Variants in DSG1 observed in about 807,000 individuals in gnomAD.
The protein encoded by DSG1 is desmoglein 1, also known as desmoglein-1.
A neutral mutation model predicts 97.5 loss-of-function variants in DSG1; 39 were observed. The ratio of observed to expected loss-of-function variants is 0.40; its 90% confidence interval spans 0.31 to 0.52. The LOEUF is 0.52. DSG1 is among the 20% of genes least tolerant of loss of function. The pLI, the probability that DSG1 is intolerant of heterozygous loss-of-function variation, is 0.53. For missense variants in DSG1, 1,311 were observed against 1,295.4 expected (o/e 1.01, Z -0.18); for synonymous variants, 475 against 443.4 (o/e 1.07, Z -0.90).
At position 31,326,576 on chromosome 18, in the gene DSG1, T is replaced by C; in HGVS notation, c.49-5T>C. Reference sequence around the variant, plus strand: ...TAACTAGTGTGATTATCTTATTTTTTACAGGTGGTGGTAGAAGTTAACAGT... The same window carrying C: ...TAACTAGTGTGATTATCTTATTTTTCACAGGTGGTGGTAGAAGTTAACAGT... On this transcript the variant is annotated splice_region_variant and splice_polypyrimidine_tract_variant and intron_variant, in intron 1 of 14. Coordinates refer to ENST00000257192, the MANE Select transcript of DSG1 (RefSeq NM_001942.4). The C allele has an allele frequency of 6.3e-7, 1 of 1,596,196 alleles. No individual in the cohort carries two copies. Among genetic ancestry groups the C allele is most frequent in the Non-Finnish European group, 8.6e-7 (1 of 1,164,720 alleles).
At position 31,354,620 on chromosome 18, in the gene DSG1, A is replaced by C. The variant is rs781448548; in HGVS notation, c.2424A>C (p.Val808=). Reference sequence around the variant, plus strand: ...CCCCACATTTCGGCACTACCACAGTAATTTCTGAGAGCACCTATCCCTCGG... The same window carrying C: ...CCCCACATTTCGGCACTACCACAGTCATTTCTGAGAGCACCTATCCCTCGG... ...PISPHFGTTT[V]ISESTYPSGP... is the part of the protein sequence containing the mutation. The change falls in exon 15 of 15, where the codon GTA becomes GTC. Residue 808 remains valine, a synonymous_variant. Transcript: ENST00000257192. The C allele has an allele frequency of 6.2e-7, 1 of 1,614,032 alleles. No homozygotes were observed. Among genetic ancestry groups the C allele is most frequent in the South Asian group, 1.1e-5 (1 of 91,090 alleles).
chr18:31,325,349 A>T (rs184759700), intron 1 of DSG1, among the ~76,000 whole-genome samples: 11 of 152,320 alleles, frequency 7.2e-5, no homozygotes, highest in Admixed American at 6.5e-4. Context: ...CAGTAAGGGA[A>T]GCGCAATAAC....
chr18:31,321,348 C>A (rs1280811971), intron 1 of DSG1, among the ~76,000 whole-genome samples: 1 of 152,004 alleles, frequency 6.6e-6, no homozygotes, highest in Non-Finnish European at 1.5e-5. Context: ...TTAGTACAGA[C>A]CAAACAGAAG....
Position 31,336,423 on chromosome 18 carries a change from C to T in DSG1, c.1075C>T (p.His359Tyr). Reference protein sequence around the residue: ...IGVRNKAEFHHSIMSQYKLKA... With the variant: ...IGVRNKAEFHYSIMSQYKLKA... ...TGTCAGAAATAAAGCTGAATTTCAT[C>T]ATTCAATTATGTCTCAATATAAACT... Residue 359 changes from histidine to tyrosine, a missense_variant, in exon 9 of 15, where the codon CAT becomes TAT. His to Tyr is a moderately conservative substitution (Grantham distance 83). Around this residue, in one of 3 missense-constraint regions of DSG1, gnomAD observed 1,038 missense variants for 964.6 expected, o/e 1.08. Coordinates refer to ENST00000257192, the MANE Select transcript of DSG1 (RefSeq NM_001942.4). 6.2e-7 allele frequency: 1 copy of T among 1,613,808 alleles called. No homozygotes were observed. Among genetic ancestry groups the T allele is most frequent in the Middle Eastern group, 1.7e-4 (1 of 6,058 alleles).
In DSG1 at chr18:31,355,277, TG is replaced by T. The variant is rs2071946187; in HGVS notation, c.3084del (p.Ser1029ProfsTer47). On this transcript the variant is annotated frameshift_variant, in exon 15 of 15. Transcript: ENST00000257192. LOFTEE classifies it high-confidence loss of function. ...SSDHHFNQTI[G>X]SASPSTARSR... ...CTGACCATCACTTTAACCAAACCAT[TG>T]GGTCCGCCTCCCCTAGCACAGCTCG... The T allele has an allele frequency of 6.2e-7, 1 of 1,613,700 alleles. No individual in the cohort carries two copies.
In DSG1 at chr18:31,326,605, T is replaced by G; in HGVS notation, c.73T>G (p.Phe25Val). ...FLVVVEVNSE[F>V]RIQVRDYNTK... ...GGTGGTGGTAGAAGTTAACAGTGAA[T>G]TCCGAATCCAGGTAATATATAACAA... The change falls in exon 2 of 15, where the codon TTC becomes GTC. Residue 25 changes from phenylalanine (F) to valine (V), a missense_variant. Physicochemically the swap from Phe to Val is conservative, Grantham distance 50 (BLOSUM62 -1). Coordinates refer to ENST00000257192, the MANE Select transcript of DSG1 (RefSeq NM_001942.4). The G allele has an allele frequency of 1.9e-6, 3 of 1,605,132 alleles. No homozygotes were observed. Among genetic ancestry groups the G allele is most frequent in the Non-Finnish European group, 2.6e-6 (3 of 1,172,458 alleles).
Position 31,339,856 on chromosome 18 carries a change from A to G in DSG1, c.1518A>G (p.Arg506=). The stretch of plus-strand genomic sequence containing the variant: ...CTAAAATTACTACCAATACTGGCAG[A>G]CAAGAAAGTACTTCTTCCACTAACT... ...PNTKITTNTG[R]QESTSSTNYD... is the part of the protein sequence containing the mutation. The change falls in exon 11 of 15, where the codon AGA becomes AGG. Residue 506 remains arginine (R), a synonymous_variant. Coordinates refer to ENST00000257192, the MANE Select transcript of DSG1 (RefSeq NM_001942.4). 1 of 1,614,144 alleles carries G rather than the reference A, an allele frequency of 6.2e-7. No individual in the cohort carries two copies. Among genetic ancestry groups the G allele is most frequent in the Non-Finnish European group, 8.5e-7 (1 of 1,179,998 alleles).
chr18:31,329,086 C>G (rs1265552880), intron 4 of DSG1, among the ~76,000 whole-genome samples: 2 of 152,112 alleles, frequency 1.3e-5, no homozygotes, highest in African/African-American at 4.8e-5. Flanking sequence ...TTCATTAAAT[C>G]AAAAGCAGGA....
intron 10 of DSG1, among the ~76,000 whole-genome samples, 184 bp downstream of exon 10, chr18:31,338,638 C>G (rs556882585): frequency 6.6e-6 from 1 of 152,168 alleles, no homozygotes; most frequent in African/African-American, 2.4e-5. Context: ...ACCATGAGTC[C>G]TGAAATGAGA....
chr18:31,324,762 G>T (rs995031094), intron 1 of DSG1, among the ~76,000 whole-genome samples: 5 of 152,076 alleles, frequency 3.3e-5, no homozygotes, highest in Non-Finnish European at 7.3e-5. Context: ...CCTCCAGTCT[G>T]CTTTGATACA....
Position 31,339,839 on chromosome 18 carries a change from A to G in DSG1, c.1501A>G (p.Thr501Ala), listed in dbSNP as rs1448900236. 2 of 1,613,950 alleles carry G rather than the reference A, an allele frequency of 1.2e-6. No homozygotes were observed. The highest frequency in any genetic ancestry group is 1.3e-5 in the African/African-American group (1 of 74,930). Residue 501 changes from threonine (T) to alanine (A), a missense_variant, in exon 11 of 15, where the codon ACT becomes GCT. Around this residue, in one of 3 missense-constraint regions of DSG1, gnomAD observed 1,038 missense variants for 964.6 expected, o/e 1.08. Coordinates refer to ENST00000257192, the MANE Select transcript of DSG1 (RefSeq NM_001942.4). ...RTNTEPNTKITTNTGRQESTS... is the reference protein window; with the variant it reads ...RTNTEPNTKIATNTGRQESTS... ...TAATACAGAGCCGAACACTAAAATT[A>G]CTACCAATACTGGCAGACAAGAAAG...
At chr18:31,344,483 A>G (rs1460107676) in intron 13 of DSG1, among the ~76,000 whole-genome samples, 2 of 152,244 alleles carry the variant, frequency 1.3e-5, no homozygotes, top group African/African-American at 4.8e-5. Context: ...TTATTATAAC[A>G]AAGAAAAAAA....
At chr18:31,353,475 C>T (rs1479842889) in intron 14 of DSG1, among the ~76,000 whole-genome samples, 1 of 152,100 alleles carries the variant, frequency 6.6e-6, no homozygotes, top group Admixed American at 6.5e-5. Context: ...AGGCAGGCCT[C>T]CTTGAGCTGT....
chr18:31,347,967 GA>G (rs1470660039), intron 14 of DSG1: 3 of 151,994 alleles, frequency 2.0e-5, no homozygotes, highest in Admixed American at 2.0e-4. Context: ...TAATTCATGT[GA>G]TTTTTTTTTA....
chr18:31,334,027 A>G lies in DSG1; in HGVS notation c.830A>G (p.Glu277Gly). 1 of 1,604,324 alleles carries G rather than the reference A, an allele frequency of 6.2e-7. No individual in the cohort carries two copies. The highest frequency in any genetic ancestry group is 8.5e-7 in the Non-Finnish European group (1 of 1,171,450). Residue 277 changes from glutamate (E) to glycine (G), a missense_variant, in exon 8 of 15, where the codon GAA becomes GGA. Around this residue, in one of 3 missense-constraint regions of DSG1, gnomAD observed 1,038 missense variants for 964.6 expected, o/e 1.08. Coordinates refer to ENST00000257192, the MANE Select transcript of DSG1 (RefSeq NM_001942.4). ...CACTTCTTGTTTCAGTATACCATAGAAATTCAAGAAAATACTCTAAATTCA... is the reference window on the plus strand; with the variant it reads ...CACTTCTTGTTTCAGTATACCATAGGAATTCAAGAAAATACTCTAAATTCA... ...PYMEQSSYTI[E>G]IQENTLNSNL...
In DSG1 at chr18:31,346,203, G is replaced by T. The variant is rs557666659; in HGVS notation, c.2100+5G>T. 19 of 1,611,666 alleles carry T rather than the reference G, an allele frequency of 1.2e-5. No individual in the cohort carries two copies. The highest frequency in any genetic ancestry group is 1.4e-5 in the Non-Finnish European group (17 of 1,177,920). On this transcript the variant is annotated splice_donor_5th_base_variant and intron_variant, in intron 14 of 14. Coordinates refer to ENST00000257192, the MANE Select transcript of DSG1 (RefSeq NM_001942.4). Reference sequence around the variant, plus strand: ...ATGGAAAGCTACTTCTGTCAGGTAAGGTCCCTAGCCACATGCCTTTCTCGC... The same window carrying T: ...ATGGAAAGCTACTTCTGTCAGGTAATGTCCCTAGCCACATGCCTTTCTCGC...
chr18:31,327,586 A>T (rs138132285), intron 3 of DSG1, among the ~76,000 whole-genome samples: 1,531 of 152,260 alleles, frequency 0.01, 18 homozygotes, highest in African/African-American at 0.035. Flanking sequence ...ATTTGTTTAC[A>T]GCCAAACAAT....
In DSG1 at chr18:31,336,447, C is replaced by A; in HGVS notation, c.1099C>A (p.Leu367Met). The change falls in exon 9 of 15, where the codon CTG becomes ATG. Residue 367 changes from leucine to methionine, a missense_variant. Leu to Met is a conservative substitution (Grantham distance 15). Transcript: ENST00000257192. ...TCATTCAATTATGTCTCAATATAAACTGAAAGCATCTGCAATTTCTGTGAC... is the reference window on the plus strand; with the variant it reads ...TCATTCAATTATGTCTCAATATAAAATGAAAGCATCTGCAATTTCTGTGAC... The part of the protein sequence containing the change: ...FHHSIMSQYK[L>M]KASAISVTVL... The A allele has an allele frequency of 6.2e-7, 1 of 1,613,932 alleles. No homozygotes were observed.
At position 31,329,986 on chromosome 18, in the gene DSG1, T is replaced by G; in HGVS notation, c.467T>G (p.Val156Gly). Residue 156 changes from valine (V) to glycine (G), a missense_variant, in exon 5 of 15, where the codon GTG (valine) becomes GGG (glycine). This residue lies in a region of DSG1 where 259 missense variants were observed against 304.1 expected (regional missense o/e 0.85). Coordinates refer to ENST00000257192, the MANE Select transcript of DSG1 (RefSeq NM_001942.4). Reference protein sequence around the residue: ...RVLDINDNPPVFSMATFAGQI... With the variant: ...RVLDINDNPPGFSMATFAGQI... ...TTGGATATAAATGACAACCCTCCAG[T>G]GTTTTCAATGGCTACATTTGCAGGA... is the stretch of plus-strand genomic sequence containing the variant. 2 of 1,613,332 alleles carry G rather than the reference T, an allele frequency of 1.2e-6. No individual in the cohort carries two copies. The highest frequency in any genetic ancestry group is 1.7e-6 in the Non-Finnish European group (2 of 1,179,386).
Sources: allele counts gnomAD v4.1 joint callset (sites outside exome capture counted in the v4.1 genomes callset), GRCh38; gene constraint gnomAD v4.1.1; regional missense constraint gnomAD v4.1.1; transcripts MANE v1.5; gene names NCBI Gene and HGNC (gene_info 2026-07-23, HGNC 2026-07-21).